Variants in ZNF532 observed in about 807,000 individuals in gnomAD.
ZNF532 encodes the protein zinc finger protein 532.
A neutral mutation model predicts 89.3 loss-of-function variants in ZNF532; 22 were observed. That is an observed-to-expected ratio of 0.25 (90% CI 0.18 to 0.35). ZNF532 has a LOEUF of 0.35. Ranked by LOEUF, ZNF532 falls within the 10% of genes least tolerant of loss-of-function variation. The pLI is 1.00. For missense variants in ZNF532, 1,132 were observed against 1,643.4 expected (o/e 0.69, Z 5.38); for synonymous variants, 606 against 649.6 (o/e 0.93, Z 1.02).
intron 5 of ZNF532, among the ~76,000 whole-genome samples, chr18:58,942,184 G>C (rs1228338054): frequency 6.6e-6 from 1 of 151,474 alleles, no homozygotes; most frequent in Non-Finnish European, 1.5e-5. Context: ...CACCACGCCT[G>C]GCTAATTTTT....
intron 2 of ZNF532, among the ~76,000 whole-genome samples, chr18:58,909,250 G>A (rs1056757945): frequency 2.6e-5 from 4 of 152,166 alleles, no homozygotes; most frequent in African/African-American, 9.7e-5. Context: ...ACCGCGCCCA[G>A]CCTGCCTGAA....
In ZNF532 at chr18:58,934,463, C is replaced by G; in HGVS notation, c.2377C>G (p.Pro793Ala). 1 of 1,613,996 alleles carries G rather than the reference C, an allele frequency of 6.2e-7. No individual in the cohort carries two copies. The highest frequency in any genetic ancestry group is 8.5e-7 in the Non-Finnish European group (1 of 1,179,872). ...KTCTICQMLL[P>A]NQCSYASHQR... is the part of the protein sequence containing the mutation. The stretch of plus-strand genomic sequence containing the variant: ...TTGCACTATCTGCCAGATGCTGCTT[C>G]CTAACCAGTGCAGTTATGCATCACA... Residue 793 changes from proline to alanine, a missense_variant, in exon 4 of 10, where the codon CCT (proline) becomes GCT (alanine). Around this residue, in one of 9 missense-constraint regions of ZNF532, gnomAD observed 100 missense variants for 122.0 expected, o/e 0.82. Transcript: ENST00000591808.
At chr18:58,909,312 T>C (rs945389445) in intron 2 of ZNF532, among the ~76,000 whole-genome samples, 2 of 152,062 alleles carry the variant, frequency 1.3e-5, no homozygotes, top group Non-Finnish European at 2.9e-5. Flanking sequence ...AAACATAGGA[T>C]TTAGAGGAAC....
At chr18:58,891,978 A>G (rs2058932170) in intron 2 of ZNF532, among the ~76,000 whole-genome samples, 1 of 152,234 alleles carries the variant, frequency 6.6e-6, no homozygotes, top group African/African-American at 2.4e-5. Context: ...GCCCCCACTC[A>G]CCCATAAGCA....
chr18:58,884,176 C>G (rs987000773), intron 2 of ZNF532, among the ~76,000 whole-genome samples: 1 of 152,214 alleles, frequency 6.6e-6, no homozygotes, highest in East Asian at 1.9e-4. Flanking sequence ...GTCAGGAGTT[C>G]AAGACCAGCC....
intron 7 of ZNF532, among the ~76,000 whole-genome samples, chr18:58,958,310 T>A (rs751862120): frequency 2.8e-4 from 42 of 152,324 alleles, no homozygotes; most frequent in Non-Finnish European, 1.8e-4. Flanking sequence ...ATTTGCTGAA[T>A]TACTGCTTTA....
intron 7 of ZNF532, among the ~76,000 whole-genome samples, chr18:58,966,379 T>G (rs569051656): frequency 6.6e-6 from 1 of 152,340 alleles, no homozygotes; most frequent in African/African-American, 2.4e-5. Context: ...GTGTTTATAA[T>G]TTGTTTCTAA....
intron 2 of ZNF532, among the ~76,000 whole-genome samples, chr18:58,885,063 A>G (rs957514271): frequency 1.1e-4 from 16 of 149,096 alleles, no homozygotes; most frequent in African/African-American, 4.0e-4. Context: ...ATCACGGCTC[A>G]CCGCAGCCTC....
chr18:58,946,445 G>A, intron 5 of ZNF532, among the ~76,000 whole-genome samples: 1 of 151,880 alleles, frequency 6.6e-6, no homozygotes, highest in East Asian at 1.9e-4. Context: ...CTAATTTTTT[G>A]TATTTTTAGT....
intron 7 of ZNF532, among the ~76,000 whole-genome samples, chr18:58,975,441 C>T (rs1306327426): frequency 4.6e-5 from 7 of 152,188 alleles, no homozygotes; most frequent in East Asian, 3.9e-4. Flanking sequence ...CCCGTAAGCA[C>T]AGAAACAGAA....
chr18:58,865,338 C>G lies in ZNF532; in HGVS notation c.-175C>G, dbSNP rs578178493. On this transcript the variant is annotated 5_prime_UTR_variant, in exon 1 of 10. Coordinates refer to ENST00000591808, the MANE Select transcript of ZNF532 (RefSeq NM_001375912.1). ...TGTCTTGTGCTTTTTCTTTTAGAAG[C>G]TACTAAAGGGTGTTGGGGATGCTTC... The G allele has an allele frequency of 4.5e-4, 68 of 152,270 alleles. No individual in the cohort carries two copies. Among genetic ancestry groups the G allele is most frequent in the African/African-American group, 1.6e-3 (67 of 41,506 alleles). 9.4% of individuals were successfully genotyped at this position (152,270 alleles called of 1,614,324 possible).
At chr18:58,924,579 C>T (rs1196192987) in intron 3 of ZNF532, among the ~76,000 whole-genome samples, 1 of 152,232 alleles carries the variant, frequency 6.6e-6, no homozygotes, top group Non-Finnish European at 1.5e-5. Context: ...ACCTCCTTCC[C>T]TTTTTCTTTT....
Position 58,948,129 on chromosome 18 carries a change from A to G in ZNF532, c.2768A>G (p.His923Arg), listed in dbSNP as rs1040207986. ...VFTLQTLLYR[H>R]FDQHIENQKV... is the part of the protein sequence containing the mutation. ...ACCCTGCAAACCTTGCTGTATCGCC[A>G]CTTTGACCAACACATTGAAAACCAG... is the stretch of plus-strand genomic sequence containing the variant. The change falls in exon 6 of 10, where the codon CAC becomes CGC. Residue 923 changes from histidine (H) to arginine (R), a missense_variant. Coordinates refer to ENST00000591808, the MANE Select transcript of ZNF532 (RefSeq NM_001375912.1). 6.2e-7 allele frequency: 1 copy of G among 1,613,812 alleles called. No individual in the cohort carries two copies. The highest frequency in any genetic ancestry group is 8.5e-7 in the Non-Finnish European group (1 of 1,179,880).
intron 2 of ZNF532, among the ~76,000 whole-genome samples, chr18:58,895,202 A>C (rs1305359556): frequency 6.6e-6 from 1 of 152,166 alleles, no homozygotes; most frequent in Non-Finnish European, 1.5e-5. Context: ...GTGGCCCTCC[A>C]CTGAGCAGTA....
intron 7 of ZNF532, among the ~76,000 whole-genome samples, chr18:58,963,155 C>A (rs374665863): frequency 5.3e-5 from 8 of 152,266 alleles, no homozygotes; most frequent in African/African-American, 1.7e-4. Flanking sequence ...ACACAACTCT[C>A]TGGATGTTGG....
chr18:58,983,272 G>A (rs891391332), intron 9 of ZNF532, among the ~76,000 whole-genome samples: 17 of 152,234 alleles, frequency 1.1e-4, no homozygotes, highest in African/African-American at 4.1e-4. Context: ...GGAAGCAGAC[G>A]CAGTAGGGGA....
chr18:58,920,449 C>G lies in ZNF532; in HGVS notation c.2162C>G (p.Ser721Cys), dbSNP rs1161062095. ...ACACACACTGTCACAAAAATTCAGTCTGGCATAACTGGGACAGTCATATCG... is the reference window on the plus strand; with the variant it reads ...ACACACACTGTCACAAAAATTCAGTGTGGCATAACTGGGACAGTCATATCG... ...AGTHTVTKIQSGITGTVISAP... is the reference protein window; with the variant it reads ...AGTHTVTKIQCGITGTVISAP... The change falls in exon 3 of 10, where the codon TCT (serine) becomes TGT (cysteine). Residue 721 changes from serine (S) to cysteine (C), a missense_variant. Physicochemically the swap from Ser to Cys is moderately radical, Grantham distance 112. Coordinates refer to ENST00000591808, the MANE Select transcript of ZNF532 (RefSeq NM_001375912.1). The G allele has an allele frequency of 6.2e-7, 1 of 1,613,968 alleles. No homozygotes were observed. The highest frequency in any genetic ancestry group is 2.2e-5 in the East Asian group (1 of 44,884).
chr18:58,942,310 C>G (rs1184900578), intron 5 of ZNF532, among the ~76,000 whole-genome samples: 3 of 137,912 alleles, frequency 2.2e-5, no homozygotes, highest in Non-Finnish European at 4.6e-5. Flanking sequence ...GCGTGAGCCA[C>G]CGCGCCTGGC....
Position 58,959,245 on chromosome 18 carries a change from AGTTTTTT to A in ZNF532, c.3150+5461_3150+5467del, listed in dbSNP as rs2065081958. Among the ~76,000 whole-genome samples the A allele has an allele frequency of 5.4e-5, 7 of 130,510 alleles. 1 individual carries two copies. The South Asian group carries it at 1.1e-3, about 21-fold the overall frequency. The allele number at this position is 130,510 out of a possible 152,430, so 85.6% of individuals were successfully genotyped here. Reference sequence around the variant, plus strand: ...ATCAAAATGAACCTTAGATCTTTTCAGTTTTTTGTTTTTTGTTTTTTTTTGTTTTTTT... The same window carrying A: ...ATCAAAATGAACCTTAGATCTTTTCAGTTTTTTGTTTTTTTTTGTTTTTTT... On this transcript the variant is annotated intron_variant, in intron 7 of 9. Transcript: ENST00000591808.
Sources: gnomAD v4.1 joint callset for allele counts (sites outside exome capture counted in the v4.1 genomes callset) on GRCh38, gnomAD v4.1.1 for gene constraint, gnomAD v4.1.1 regional missense constraint, MANE v1.5 for transcripts, NCBI Gene and HGNC (gene_info 2026-07-23, HGNC 2026-07-21) for gene names.